The following ST7 variants were observed in gnomAD, a reference collection of about 807,000 sequenced individuals.
ST7 encodes suppression of tumorigenicity 7, also known as suppressor of tumorigenicity 7 protein.
Under a neutral mutation model 78.7 loss-of-function variants are expected in ST7, and 28 were observed. The observed-to-expected ratio is 0.36, with a 90% CI of 0.26 to 0.49. The LOEUF is 0.49. Among genes scored for constraint, ST7 ranks in the 20% least tolerant of loss-of-function variants. ST7 has a pLI of 0.99. For missense variants in ST7, 418 were observed against 696.0 expected, an observed-to-expected ratio of 0.60 and a Z score of 4.49; for synonymous variants, 247 against 249.6, an observed-to-expected ratio of 0.99 and a Z score of 0.10.
At chr7:116,990,599 T>C (rs1794382015) in intron 1 of ST7, among the ~76,000 whole-genome samples, 1 of 152,352 alleles carries the variant, frequency 6.6e-6, no homozygotes, top group South Asian at 2.1e-4. Context: ...GGTTGAACTA[T>C]CTATTCTGTG....
chr7:117,119,875 G>A (rs980524088), intron 3 of ST7, among the ~76,000 whole-genome samples, 155 bp downstream of exon 3: 3 of 152,110 alleles, frequency 2.0e-5, no homozygotes, highest in Non-Finnish European at 2.9e-5. Context: ...ACCTGTATCA[G>A]AGAGGGAGGG....
rs796189470 is a variant in ST7 at position 117,053,336 on chromosome 7, C to G, written c.152-46426C>G. Among the ~76,000 whole-genome samples, 3 of 152,318 alleles carry G rather than the reference C, an allele frequency of 2.0e-5. No homozygotes were observed. In the South Asian group the frequency reaches 6.2e-4, roughly 32 times the overall value. ...GCCATTTCCGGGCTCTCAACTCTTA[C>G]AGTGTTTTTCGATGCTCTCGAAGGT... On this transcript the variant is annotated intron_variant, in intron 1 of 15. Coordinates refer to ENST00000323984, the MANE Select transcript of ST7 (RefSeq NM_001369598.1).
At chr7:117,018,728 T>C (rs1349549456) in intron 1 of ST7, among the ~76,000 whole-genome samples, 1 of 152,196 alleles carries the variant, frequency 6.6e-6, no homozygotes, top group Admixed American at 6.5e-5. Context: ...ATATACCTTG[T>C]AGGGTTATTA....
Position 117,099,046 on chromosome 7 carries a change from CA to C in ST7, c.152-697del, listed in dbSNP as rs754881472. 9.4e-4 allele frequency among the ~76,000 whole-genome samples: 29 copies of C among 30,812 alleles called. 1 individual carries two copies. Among genetic ancestry groups the C allele is most frequent in the Middle Eastern group, 0.031 (1 of 32 alleles). The allele number at this position is 30,812 out of a possible 152,430, so 20.2% of individuals were successfully genotyped here. On this transcript the variant is annotated intron_variant, in intron 1 of 15. Transcript: ENST00000323984. The stretch of plus-strand genomic sequence containing the variant: ...TACTTTCTTAATAAACTCACTTTCG[CA>C]AAAAAAAAAAAAAAAAAACAAAAAA...
chr7:117,007,407 C>T (rs576503365), intron 1 of ST7, among the ~76,000 whole-genome samples: 2 of 152,228 alleles, frequency 1.3e-5, no homozygotes, highest in African/African-American at 4.8e-5. Context: ...TCTATGAAGG[C>T]TGAGAGAGGT....
chr7:117,007,355 T>C (rs1795199674), intron 1 of ST7, among the ~76,000 whole-genome samples: 1 of 152,192 alleles, frequency 6.6e-6, no homozygotes, highest in Non-Finnish European at 1.5e-5. Context: ...TAAGCCGAAG[T>C]CTAATTTAGA....
At chr7:117,203,171 C>T (rs1811037774) in intron 12 of ST7, among the ~76,000 whole-genome samples, 1 of 152,238 alleles carries the variant, frequency 6.6e-6, no homozygotes, top group Non-Finnish European at 1.5e-5. Flanking sequence ...AGGGCACCCT[C>T]TGGAGCAGGT....
At chr7:117,162,158 T>A (rs1807209040) in intron 9 of ST7, among the ~76,000 whole-genome samples, 2 of 152,108 alleles carry the variant, frequency 1.3e-5, no homozygotes, top group Admixed American at 1.3e-4. Flanking sequence ...AGAATAACAA[T>A]CATTTGCCAC....
chr7:117,105,513 C>T (rs1193249267), intron 2 of ST7, among the ~76,000 whole-genome samples: 1 of 152,130 alleles, frequency 6.6e-6, no homozygotes, highest in Non-Finnish European at 1.5e-5. Context: ...AATTCCTGGG[C>T]TCAAGCAATA....
intron 12 of ST7, among the ~76,000 whole-genome samples, chr7:117,194,358 A>G (rs1481926937): frequency 1.3e-5 from 2 of 152,218 alleles, no homozygotes; most frequent in Non-Finnish European, 2.9e-5. Context: ...TTCCAGAAAC[A>G]TTCTCTTTCC....
At chr7:117,110,815 A>T (rs1389275385) in intron 2 of ST7, among the ~76,000 whole-genome samples, 2 of 152,218 alleles carry the variant, frequency 1.3e-5, no homozygotes, top group Non-Finnish European at 2.9e-5. Context: ...ATTTCCCTAG[A>T]GCCTGGCTGC....
At chr7:117,084,814 A>G (rs1015634423) in intron 1 of ST7, among the ~76,000 whole-genome samples, 2 of 152,206 alleles carry the variant, frequency 1.3e-5, no homozygotes, top group Non-Finnish European at 2.9e-5. Flanking sequence ...GTGATTATAT[A>G]AAAGTTTTAA....
intron 1 of ST7, chr7:117,020,739 T>C: frequency 2.7e-6 from 4 of 1,465,764 alleles, no homozygotes; most frequent in Non-Finnish European, 3.7e-6. Context: ...AACCTTTGTA[T>C]TTTGGCTCTA....
intron 1 of ST7, among the ~76,000 whole-genome samples, chr7:116,977,445 G>A (rs1379443023): frequency 6.6e-6 from 1 of 152,208 alleles, no homozygotes; most frequent in African/African-American, 2.4e-5. Flanking sequence ...TGAGGGAGGG[G>A]TGGGAAGGAA....
At chr7:117,215,999 G>C (rs1373596871) in intron 13 of ST7, among the ~76,000 whole-genome samples, 1 of 151,936 alleles carries the variant, frequency 6.6e-6, no homozygotes, top group African/African-American at 2.4e-5. Flanking sequence ...GTAAGAAGAG[G>C]TCATTAGAAG....
At chr7:117,003,587 G>A (rs1795035047) in intron 1 of ST7, among the ~76,000 whole-genome samples, 1 of 151,960 alleles carries the variant, frequency 6.6e-6, no homozygotes, top group African/African-American at 2.4e-5. Context: ...GCCTGGCCAT[G>A]CCTGGCTAAT....
intron 1 of ST7, among the ~76,000 whole-genome samples, chr7:117,094,299 T>G (rs1031764425): frequency 1.3e-5 from 2 of 152,234 alleles, no homozygotes; most frequent in African/African-American, 4.8e-5. Flanking sequence ...TGGAATGGCC[T>G]ACCGCTCTAC....
At chr7:117,103,951 A>G (rs562919415) in intron 2 of ST7, among the ~76,000 whole-genome samples, 1 of 152,342 alleles carries the variant, frequency 6.6e-6, no homozygotes, top group South Asian at 2.1e-4. Flanking sequence ...ACATTTCTCA[A>G]AAGAAGACAT....
chr7:116,965,045 A>C (rs1585051981), intron 1 of ST7, among the ~76,000 whole-genome samples: 3 of 152,346 alleles, frequency 2.0e-5, no homozygotes, highest in Admixed American at 2.0e-4. Context: ...GGCTATAGAA[A>C]TATTCCATGG....
Sources: allele counts gnomAD v4.1 joint callset (sites outside exome capture counted in the v4.1 genomes callset), GRCh38; gene constraint gnomAD v4.1.1; transcripts MANE v1.5; gene names NCBI Gene and HGNC (gene_info 2026-07-23, HGNC 2026-07-21).